PLAAT4: variants seen among roughly 807,000 people sequenced by gnomAD.
PLAAT4 encodes phospholipase A and acyltransferase 4, also known as HRAS-like suppressor 4.
Under a neutral mutation model 14.1 loss-of-function variants are expected in PLAAT4, and 12 were observed. The observed-to-expected ratio is 0.85, with a 90% CI of 0.54 to 1.37. PLAAT4 has a LOEUF of 1.37. Among genes scored for constraint, PLAAT4 ranks in the 40% most tolerant of loss-of-function variants. The pLI, the probability that PLAAT4 is intolerant of heterozygous loss-of-function variation, is 0.00. For synonymous variants in PLAAT4, 77 were observed against 79.8 expected, an observed-to-expected ratio of 0.96 and a Z score of 0.19; for missense variants, 163 against 211.7, an observed-to-expected ratio of 0.77 and a Z score of 1.43.
intron 3 of PLAAT4, 84 bp downstream of exon 3, chr11:63,544,973 A>G: frequency 6.3e-7 from 1 of 1,583,888 alleles, no homozygotes; most frequent in Non-Finnish European, 8.7e-7. Context: ...ACTGTGAATG[A>G]TGCAAATGCA....
intron 3 of PLAAT4, chr11:63,545,243 C>T: frequency 3.7e-6 from 2 of 534,742 alleles, no homozygotes; most frequent in East Asian, 5.9e-5. Flanking sequence ...CCAAAGAGTA[C>T]TCAGGCAAGG....
At chr11:63,537,002 C>A in intron 1 of PLAAT4, 125 bp downstream of exon 1, 2 of 1,182,114 alleles carry the variant, frequency 1.7e-6, no homozygotes, top group South Asian at 1.4e-5. Context: ...AGAAGGCTGT[C>A]ATGGAAAACT....
rs370262815 is a variant in PLAAT4, at chr11:63,546,212, T to G, written c.451T>G (p.Cys151Gly). The change falls in exon 4 of 4, where the codon TGC becomes GGC. Residue 151 changes from cysteine (C) to glycine (G), a missense_variant. Transcript: ENST00000255688. Reference protein sequence around the residue: ...TALGILVVAGCSFAIRRYQKK... With the variant: ...TALGILVVAGGSFAIRRYQKK... ...GCTTGGAATCCTGGTTGTTGCTGGATGCTCTTTTGCGATTAGGAGATACCA... is the reference window on the plus strand; with the variant it reads ...GCTTGGAATCCTGGTTGTTGCTGGAGGCTCTTTTGCGATTAGGAGATACCA... 3.0e-5 allele frequency: 48 copies of G among 1,613,966 alleles called. No individual in the cohort carries two copies. The Admixed American group carries it at 4.8e-4, about 16-fold the overall frequency.
At chr11:63,539,474 C>T in intron 1 of PLAAT4, 42 bp from the exon 2 acceptor site, 1 of 1,541,372 alleles carries the variant, frequency 6.5e-7, no homozygotes, top group Non-Finnish European at 9.0e-7. Flanking sequence ...TCTGCTGTTG[C>T]CTAGAAGGCC....
rs752552326 is a variant in PLAAT4 at position 63,539,610 on chromosome 11, A to C, written c.104A>C (p.His35Pro). 1 of 1,609,518 alleles carries C rather than the reference A, an allele frequency of 6.2e-7. No individual in the cohort carries two copies. Among genetic ancestry groups the C allele is most frequent in the South Asian group, 1.1e-5 (1 of 90,966 alleles). ...TATATAGGAGATGGCTACGTGATCCATCTGGCTCCTCCAAGTAAGGACTGA... is the reference window on the plus strand; with the variant it reads ...TATATAGGAGATGGCTACGTGATCCCTCTGGCTCCTCCAAGTAAGGACTGA... ...ALYIGDGYVI[H>P]LAPPSEYPGA... Residue 35 changes from histidine to proline, a missense_variant, in exon 2 of 4, where the codon CAT becomes CCT. Physicochemically the swap from His to Pro is moderately conservative, Grantham distance 77. Coordinates refer to ENST00000255688, the MANE Select transcript of PLAAT4 (RefSeq NM_004585.5).
rs1590662327 is a variant in PLAAT4 at position 63,537,000 on chromosome 11, G to A, written c.9+123G>A. 9.0e-6 allele frequency: 11 copies of A among 1,218,836 alleles called. No homozygotes were observed. The East Asian group carries it at 2.0e-4, about 23-fold the overall frequency. The allele number at this position is 1,218,836 out of a possible 1,614,324, so 75.5% of individuals were successfully genotyped here. On this transcript the variant is annotated intron_variant, in intron 1 of 3. Coordinates refer to ENST00000255688, the MANE Select transcript of PLAAT4 (RefSeq NM_004585.5). ...CTCCAGAGCTCGTCTTTAGAAGGCT[G>A]TCATGGAAAACTGTATTTGTCTTTT...
chr11:63,541,482 G>A (rs779743386), intron 2 of PLAAT4, among the ~76,000 whole-genome samples: 7 of 150,758 alleles, frequency 4.6e-5, no homozygotes, highest in Non-Finnish European at 7.4e-5. Flanking sequence ...GAGCCACCGC[G>A]CTCAGCCGTA....
At chr11:63,545,034 C>A in intron 3 of PLAAT4, 145 bp downstream of exon 3, 2 of 1,137,704 alleles carry the variant, frequency 1.8e-6, no homozygotes, top group Non-Finnish European at 2.6e-6. Context: ...GCTCCAATGC[C>A]AGATCTGCTT....
At chr11:63,537,349 C>T (rs76449761) in intron 1 of PLAAT4, among the ~76,000 whole-genome samples, 94 of 152,268 alleles carry the variant, frequency 6.2e-4, no homozygotes, top group Middle Eastern at 3.4e-3. Flanking sequence ...ATCTCAGCAG[C>T]TTTCTGAAAA....
At chr11:63,537,438 G>A (rs949367553) in intron 1 of PLAAT4, among the ~76,000 whole-genome samples, 13 of 152,156 alleles carry the variant, frequency 8.5e-5, no homozygotes, top group Non-Finnish European at 1.5e-4. Flanking sequence ...TCGGTGGTGT[G>A]TGACTAAAAA....
chr11:63,544,908 A>G lies in PLAAT4; in HGVS notation c.387+19A>G. 6.2e-7 allele frequency: 1 copy of G among 1,614,178 alleles called. No homozygotes were observed. The highest frequency in any genetic ancestry group is 8.5e-7 in the Non-Finnish European group (1 of 1,180,018). ...TAAACAGGTAAGGACCTCTCTGGAT[A>G]ATCCATCTCCCTCTGCTTGGGGCTG... On this transcript the variant is annotated intron_variant, in intron 3 of 3. Transcript: ENST00000255688.
In PLAAT4 at chr11:63,544,762, G is replaced by C. The variant is rs758897093; in HGVS notation, c.260G>C (p.Arg87Pro). The C allele has an allele frequency of 6.2e-7, 1 of 1,614,198 alleles. No homozygotes were observed. Among genetic ancestry groups the C allele is most frequent in the Non-Finnish European group, 8.5e-7 (1 of 1,180,034 alleles). The change falls in exon 3 of 4, where the codon CGG becomes CCG. Residue 87 changes from arginine to proline, a missense_variant. Coordinates refer to ENST00000255688, the MANE Select transcript of PLAAT4 (RefSeq NM_004585.5). ...AGCTTGGACCATGAGTACCAACCAC[G>C]GCCCGTGGAGGTGATCATCAGTTCT... Reference protein sequence around the residue: ...NNSLDHEYQPRPVEVIISSAK... With the variant: ...NNSLDHEYQPPPVEVIISSAK...
intron 1 of PLAAT4, among the ~76,000 whole-genome samples, 166 bp from the exon 2 acceptor site, chr11:63,539,350 C>T (rs975998772): frequency 1.3e-5 from 2 of 152,242 alleles, no homozygotes; most frequent in Non-Finnish European, 2.9e-5. Flanking sequence ...CCAGTGCCCC[C>T]ACTGAGAAGA....
In PLAAT4 at chr11:63,544,774, T is replaced by G. The variant is rs1590664952; in HGVS notation, c.272T>G (p.Val91Gly). 1.2e-6 allele frequency: 2 copies of G among 1,613,956 alleles called. No homozygotes were observed. Among genetic ancestry groups the G allele is most frequent in the Non-Finnish European group, 1.7e-6 (2 of 1,180,006 alleles). The change falls in exon 3 of 4, where the codon GTG (valine) becomes GGG (glycine). Residue 91 changes from valine (V) to glycine (G), a missense_variant. Transcript: ENST00000255688. Reference protein sequence around the residue: ...DHEYQPRPVEVIISSAKEMVG... With the variant: ...DHEYQPRPVEGIISSAKEMVG... ...GAGTACCAACCACGGCCCGTGGAGG[T>G]GATCATCAGTTCTGCGAAGGAGATG...
chr11:63,543,855 CAG>C (rs2017341258), intron 2 of PLAAT4, among the ~76,000 whole-genome samples: 1 of 152,200 alleles, frequency 6.6e-6, no homozygotes, highest in African/African-American at 2.4e-5. Context: ...AGGATTCCCT[CAG>C]GGTCAGCCCA....
Position 63,546,398 on chromosome 11 carries a change from C to T in PLAAT4, c.*142C>T. 1.4e-6 allele frequency: 1 copy of T among 706,750 alleles called. No homozygotes were observed. Among genetic ancestry groups the T allele is most frequent in the Non-Finnish European group, 2.4e-6 (1 of 410,838 alleles). The allele number at this position is 706,750 out of a possible 1,614,324, so 43.8% of individuals were successfully genotyped here. A position where few individuals can be genotyped will look rare whatever the true frequency, so the allele number is the denominator to read the frequency against. On this transcript the variant is annotated 3_prime_UTR_variant, in exon 4 of 4. Transcript: ENST00000255688. ...TTCCTCTGTTTCCCTCTCTCGCTGG[C>T]AAAAGTATGATCTAATTGAAACAAG...
At chr11:63,539,974 A>T (rs1304870092) in intron 2 of PLAAT4, among the ~76,000 whole-genome samples, 1 of 152,270 alleles carries the variant, frequency 6.6e-6, no homozygotes, top group Non-Finnish European at 1.5e-5. Context: ...AAAATAAAAA[A>T]ATAAGTCAAT....
chr11:63,539,416 A>G, intron 1 of PLAAT4, 100 bp from the exon 2 acceptor site: 1 of 949,958 alleles, frequency 1.1e-6, no homozygotes, highest in South Asian at 1.3e-5. Flanking sequence ...GCTGATGAAC[A>G]TCAGCAAGGC....
rs190928905 is a variant in PLAAT4 at position 63,541,718 on chromosome 11, C to A, written c.118+2094C>A. ...ATTTTGAAAGAAAATTGATCTAAAA[C>A]TGTTTCCCTCCAATTTCCATGGTAA... On this transcript the variant is annotated intron_variant, in intron 2 of 3. Transcript: ENST00000255688. Among the ~76,000 whole-genome samples, 292 of 150,834 alleles carry A rather than the reference C, an allele frequency of 1.9e-3. 2 individuals carry two copies. The highest frequency in any genetic ancestry group is 6.8e-3 in the African/African-American group (278 of 41,114).
Sources: allele counts gnomAD v4.1 joint callset (sites outside exome capture counted in the v4.1 genomes callset), GRCh38; gene constraint gnomAD v4.1.1; transcripts MANE v1.5; gene names NCBI Gene and HGNC (gene_info 2026-07-23, HGNC 2026-07-21).